IFT122: variants seen among roughly 807,000 people sequenced by gnomAD.
IFT122 encodes intraflagellar transport 122.
In IFT122, 118 loss-of-function variants were observed where a neutral mutation model predicts 161.6. That is an observed-to-expected ratio of 0.73 (90% CI 0.63 to 0.85). The LOEUF is 0.85. Ranked by LOEUF, IFT122 falls within the 40% of genes least tolerant of loss-of-function variation. The probability of loss-of-function intolerance (pLI) is 0.00; values close to 1 mark genes in which losing one functional copy is unlikely to be tolerated. For missense variants in IFT122, 1,381 were observed against 1,579.6 expected (o/e 0.87, Z 2.13); for synonymous variants, 550 against 602.4 (o/e 0.91, Z 1.27).
chr3:129,516,694 G>GCGCA (rs1243629398), intron 26 of IFT122, among the ~76,000 whole-genome samples: 46 of 50,218 alleles, frequency 9.2e-4, no homozygotes, highest in African/African-American at 4.9e-3. Context: ...GATTGCTCCT[G>GCGCA]CACACACACA....
At position 129,514,489 on chromosome 3, in the gene IFT122, A is replaced by G. The variant is rs779382861; in HGVS notation, c.3088A>G (p.Arg1030Gly). The G allele has an allele frequency of 2.3e-5, 37 of 1,614,064 alleles. No homozygotes were observed. In the African/African-American group the frequency reaches 2.4e-4, roughly 10 times the overall value. Reference protein sequence around the residue: ...DKLRGLYIPARFQKSIELGTL... With the variant: ...DKLRGLYIPAGFQKSIELGTL... ...GCTGCGTGGCCTGTACATCCCTGCC[A>G]GATTCCAAAAGTCCATTGAGCTGGG... is the stretch of plus-strand genomic sequence containing the variant. The change falls in exon 25 of 30, where the codon AGA becomes GGA. Residue 1030 changes from arginine (R) to glycine (G), a missense_variant. Transcript: ENST00000348417.
In IFT122 at chr3:129,483,480, C is replaced by A; in HGVS notation, c.1654-5C>A. Reference sequence around the variant, plus strand: ...CACAGGATCCCCACTGTCCCTGTTCCCCAGGAACCAAACGCCAACAGTGTA... The same window carrying A: ...CACAGGATCCCCACTGTCCCTGTTCACCAGGAACCAAACGCCAACAGTGTA... On this transcript the variant is annotated splice_region_variant and splice_polypyrimidine_tract_variant and intron_variant, in intron 14 of 29. Coordinates refer to ENST00000348417, the MANE Select transcript of IFT122 (RefSeq NM_052989.3). The A allele has an allele frequency of 6.2e-7, 1 of 1,613,828 alleles. No individual in the cohort carries two copies. Among genetic ancestry groups the A allele is most frequent in the South Asian group, 1.1e-5 (1 of 91,024 alleles).
intron 15 of IFT122, 108 bp from the exon 16 acceptor site, chr3:129,488,149 A>C: frequency 6.3e-7 from 1 of 1,591,890 alleles, no homozygotes. Flanking sequence ...GCTGCTCCCC[A>C]GGCATGGGTA....
intron 17 of IFT122, among the ~76,000 whole-genome samples, chr3:129,492,477 G>A (rs901361260): frequency 1.1e-4 from 16 of 152,224 alleles, no homozygotes; most frequent in African/African-American, 3.6e-4. Flanking sequence ...CTACCTCACA[G>A]GCTGCTGTGA....
intron 7 of IFT122, 78 bp downstream of exon 7, chr3:129,464,859 C>T: frequency 6.7e-7 from 1 of 1,484,686 alleles, no homozygotes; most frequent in Non-Finnish European, 9.4e-7. Flanking sequence ...GGTCTCCCTA[C>T]ATTCAAAGGC....
intron 17 of IFT122, among the ~76,000 whole-genome samples, chr3:129,493,415 C>G (rs950335633): frequency 3.9e-5 from 6 of 152,222 alleles, no homozygotes; most frequent in African/African-American, 1.4e-4. Flanking sequence ...GTAATCTGCT[C>G]TGTGCCACAT....
At chr3:129,513,761 A>C in intron 24 of IFT122, 1 of 192,672 alleles carries the variant, frequency 5.2e-6, no homozygotes, top group South Asian at 1.0e-4. Context: ...GAGCAGGAAC[A>C]CTGGGAGAGA....
chr3:129,514,689 C>A, intron 25 of IFT122, 135 bp downstream of exon 25: 1 of 1,004,674 alleles, frequency 1.0e-6, no homozygotes, highest in Non-Finnish European at 1.5e-6. Flanking sequence ...CCTGCTCAAG[C>A]CTGGCCATGC....
intron 16 of IFT122, among the ~76,000 whole-genome samples, chr3:129,490,090 T>C (rs1486031960): frequency 2.6e-5 from 4 of 152,154 alleles, no homozygotes; most frequent in Non-Finnish European, 4.4e-5. Context: ...CTTGAACTCC[T>C]GGGCTCAAGC....
At chr3:129,520,119 GCGT>G in intron 29 of IFT122, 54 bp from the exon 30 acceptor site, 1 of 1,437,084 alleles carries the variant, frequency 7.0e-7, no homozygotes, top group Non-Finnish European at 9.7e-7. Flanking sequence ...CTGGCCCCAG[GCGT>G]AGGGCTGATG....
At chr3:129,499,725 T>C (rs1345079273) in intron 18 of IFT122, among the ~76,000 whole-genome samples, 177 bp from the exon 19 acceptor site, 1 of 152,110 alleles carries the variant, frequency 6.6e-6, no homozygotes, top group Non-Finnish European at 1.5e-5. Context: ...CAGCCTGAGA[T>C]CACTCTTCCC....
intron 7 of IFT122, among the ~76,000 whole-genome samples, chr3:129,466,111 A>G (rs991469828): frequency 2.6e-5 from 4 of 152,062 alleles, no homozygotes; most frequent in Admixed American, 6.6e-5. Context: ...GCCTGACCCT[A>G]TATGCTCTTT....
intron 3 of IFT122, 69 bp from the exon 4 acceptor site, chr3:129,458,530 A>G: frequency 7.4e-7 from 1 of 1,348,300 alleles, no homozygotes; most frequent in Non-Finnish European, 1.1e-6. Flanking sequence ...CTAGTTTTCT[A>G]AAGAATTCTC....
intron 24 of IFT122, 77 bp from the exon 25 acceptor site, chr3:129,514,312 G>T: frequency 6.6e-7 from 1 of 1,513,078 alleles, no homozygotes; most frequent in South Asian, 1.2e-5. Flanking sequence ...TCCAGCCTGG[G>T]GCTCACTCCA....
At chr3:129,479,995 C>A in intron 13 of IFT122, 73 bp downstream of exon 13, 1 of 1,578,360 alleles carries the variant, frequency 6.3e-7, no homozygotes, top group South Asian at 1.1e-5. Context: ...CTAGCAATGA[C>A]TCTGAGCTGG....
intron 4 of IFT122, chr3:129,459,529 AT>A (rs902453707): frequency 1.5e-3 from 321 of 220,622 alleles, no homozygotes; most frequent in South Asian, 2.9e-3. Context: ...GACTACATCT[AT>A]TTTTTTTTTC....
rs770762310 is a variant in IFT122 at position 129,504,374 on chromosome 3, A to C, written c.2603A>C (p.Tyr868Ser). The C allele has an allele frequency of 6.2e-7, 1 of 1,614,174 alleles. No individual in the cohort carries two copies. Among genetic ancestry groups the C allele is most frequent in the Admixed American group, 1.7e-5 (1 of 60,028 alleles). ...TTTAAGGATGACATCTACATGCCGT[A>C]TGCTCAGTGGCTAGCAGAGAACGAT... ...PEFKDDIYMP[Y>S]AQWLAENDRF... Residue 868 changes from tyrosine to serine, a missense_variant, in exon 21 of 30, where the codon TAT becomes TCT. Tyr to Ser is a moderately radical substitution (Grantham distance 144). Around this residue, in one of 7 missense-constraint regions of IFT122, gnomAD observed 496 missense variants for 502.5 expected, o/e 0.99. Coordinates refer to ENST00000348417, the MANE Select transcript of IFT122 (RefSeq NM_052989.3).
At chr3:129,473,714 A>C (rs950950689) in intron 9 of IFT122, among the ~76,000 whole-genome samples, 1 of 152,188 alleles carries the variant, frequency 6.6e-6, no homozygotes, top group Non-Finnish European at 1.5e-5. Context: ...GGGATTTCCC[A>C]CTTCACTTTC....
chr3:129,482,125 A>G (rs143334866), intron 14 of IFT122, among the ~76,000 whole-genome samples: 2 of 152,348 alleles, frequency 1.3e-5, no homozygotes, highest in East Asian at 3.9e-4. Context: ...GGAAGGAAAC[A>G]GGATGTTTTG....
Sources: allele counts gnomAD v4.1 joint callset (sites outside exome capture counted in the v4.1 genomes callset), GRCh38; gene constraint gnomAD v4.1.1; regional missense constraint gnomAD v4.1.1; transcripts MANE v1.5; gene names NCBI Gene and HGNC (gene_info 2026-07-23, HGNC 2026-07-21).